DLGAP1: variants seen among roughly 807,000 people sequenced by gnomAD.
The protein encoded by DLGAP1 is disks large-associated protein 1.
A neutral mutation model predicts 90.8 loss-of-function variants in DLGAP1; 11 were observed. That is an observed-to-expected ratio of 0.12 (90% CI 0.08 to 0.20). The LOEUF (loss-of-function observed/expected upper bound fraction) is 0.20. Ranked by LOEUF, DLGAP1 falls within the 10% of genes least tolerant of loss-of-function variation. DLGAP1 has a pLI of 1.00. For missense variants in DLGAP1, 1,050 were observed against 1,333.8 expected (o/e 0.79, Z 3.31); for synonymous variants, 558 against 540.7 (o/e 1.03, Z -0.44).
At chr18:3,874,493 G>A (rs983410421) in intron 4 of DLGAP1, 18 of 1,439,756 alleles carry the variant, frequency 1.3e-5, no homozygotes, top group Non-Finnish European at 1.6e-5. Context: ...TACATAAAGA[G>A]GCATAAACAG....
At chr18:4,237,179 T>C (rs1256167012) in intron 1 of DLGAP1, among the ~76,000 whole-genome samples, 1 of 152,190 alleles carries the variant, frequency 6.6e-6, no homozygotes, top group Non-Finnish European at 1.5e-5. Context: ...TACCACGCTA[T>C]CTGAAGCTTC....
chr18:4,064,204 T>A (rs2075338974), intron 2 of DLGAP1, among the ~76,000 whole-genome samples: 1 of 152,030 alleles, frequency 6.6e-6, no homozygotes, highest in African/African-American at 2.4e-5. Flanking sequence ...AAGGACAGTA[T>A]CTCATATATC....
chr18:4,442,692 GA>G (rs5822822), intron 1 of DLGAP1, among the ~76,000 whole-genome samples: 44,105 of 151,924 alleles, frequency 0.29, 6,760 homozygotes, highest in Non-Finnish European at 0.32. Context: ...AATTTAAAAA[GA>G]AAAAAAAGTT....
chr18:3,525,102 AATCAAC>A (rs1024133540), intron 10 of DLGAP1, among the ~76,000 whole-genome samples: 5 of 148,866 alleles, frequency 3.4e-5, no homozygotes, highest in Admixed American at 6.6e-5. Context: ...AAAAAAAAAA[AATCAAC>A]AACATTATTT....
rs368936649 is a variant in DLGAP1 at position 3,757,959 on chromosome 18, CA to C, written c.1173-15448del. Among the ~76,000 whole-genome samples, 264 of 151,860 alleles carry C rather than the reference CA, an allele frequency of 1.7e-3. 1 individual carries two copies. The highest frequency in any genetic ancestry group is 5.9e-3 in the African/African-American group (244 of 41,432). The stretch of plus-strand genomic sequence containing the variant: ...TGAAACCTCGTCTCTACTAAAAATA[CA>C]AAAAAATTAGCCAGGTTTGGTGGTG... On this transcript the variant is annotated intron_variant, in intron 5 of 12. Transcript: ENST00000315677.
intron 2 of DLGAP1, among the ~76,000 whole-genome samples, chr18:4,009,517 A>T (rs1005345928): frequency 1.3e-5 from 2 of 152,138 alleles, no homozygotes; most frequent in African/African-American, 4.8e-5. Context: ...TAGATACTGG[A>T]GATAGAGAGG....
chr18:3,881,097 G>A (rs1004805032), intron 3 of DLGAP1, among the ~76,000 whole-genome samples: 19 of 150,962 alleles, frequency 1.3e-4, no homozygotes, highest in Non-Finnish European at 2.7e-4. Context: ...TGCTTCTTGG[G>A]TCTTATTCTT....
intron 3 of DLGAP1, among the ~76,000 whole-genome samples, chr18:3,934,298 A>G (rs146665109): frequency 1.3e-3 from 200 of 152,302 alleles, no homozygotes; most frequent in Non-Finnish European, 2.5e-3. Context: ...TACATGTTAG[A>G]CAAGCCAGGC....
intron 1 of DLGAP1, among the ~76,000 whole-genome samples, chr18:4,259,729 A>T (rs1394372788): frequency 6.6e-6 from 1 of 152,214 alleles, no homozygotes. Flanking sequence ...TTGATAGATA[A>T]TTTAAATTAT....
At chr18:4,205,654 AGCC>A (rs1385679866) in intron 1 of DLGAP1, among the ~76,000 whole-genome samples, 1 of 152,180 alleles carries the variant, frequency 6.6e-6, no homozygotes, top group Non-Finnish European at 1.5e-5. Context: ...CACCATGCCC[AGCC>A]TTAAATGTCA....
intron 4 of DLGAP1, among the ~76,000 whole-genome samples, chr18:3,855,975 A>G (rs62085205): frequency 1.5e-3 from 229 of 152,334 alleles, no homozygotes; most frequent in Non-Finnish European, 2.2e-3. Context: ...TGGATTCACA[A>G]TACAGAAGAA....
At chr18:4,067,415 G>A (rs1039855559) in intron 2 of DLGAP1, among the ~76,000 whole-genome samples, 8 of 151,982 alleles carry the variant, frequency 5.3e-5, no homozygotes, top group African/African-American at 1.9e-4. Flanking sequence ...AAGCCACAAT[G>A]GGAAGTGGGA....
At chr18:4,292,551 T>G (rs1284481055) in intron 1 of DLGAP1, among the ~76,000 whole-genome samples, 1 of 152,140 alleles carries the variant, frequency 6.6e-6, no homozygotes, top group African/African-American at 2.4e-5. Flanking sequence ...ACTTTACTAA[T>G]TTTTATTATT....
intron 1 of DLGAP1, among the ~76,000 whole-genome samples, chr18:4,288,881 G>A (rs1047499181): frequency 6.6e-6 from 1 of 152,098 alleles, no homozygotes; most frequent in African/African-American, 2.4e-5. Context: ...TTCTTTGGGG[G>A]AGATAAAATG....
At chr18:3,530,914 C>T (rs2051949170) in intron 10 of DLGAP1, among the ~76,000 whole-genome samples, 2 of 152,140 alleles carry the variant, frequency 1.3e-5, no homozygotes, top group African/African-American at 2.4e-5. Context: ...AAGCGATAAG[C>T]TAGTCAGTCA....
At chr18:3,951,717 C>G (rs1447186246) in intron 3 of DLGAP1, among the ~76,000 whole-genome samples, 2 of 152,172 alleles carry the variant, frequency 1.3e-5, no homozygotes, top group Non-Finnish European at 2.9e-5. Context: ...TTCCCCCATG[C>G]TGTTCTCCAT....
intron 2 of DLGAP1, among the ~76,000 whole-genome samples, chr18:4,087,909 G>A (rs2075710568): frequency 6.6e-6 from 1 of 152,020 alleles, no homozygotes; most frequent in African/African-American, 2.4e-5. Flanking sequence ...TGAGACCATT[G>A]ACATCTGTGT....
At chr18:3,987,097 T>C (rs750116519) in intron 3 of DLGAP1, among the ~76,000 whole-genome samples, 1 of 152,226 alleles carries the variant, frequency 6.6e-6, no homozygotes, top group Non-Finnish European at 1.5e-5. Context: ...CTGACTGTGC[T>C]AGCTTTGAGA....
At chr18:3,813,998 T>G in intron 5 of DLGAP1, 61 bp downstream of exon 5, 2 of 1,542,150 alleles carry the variant, frequency 1.3e-6, no homozygotes, top group Non-Finnish European at 1.8e-6. Context: ...ACACACCATC[T>G]GAGCCTCGGT....
Sources: gnomAD v4.1 joint callset for allele counts (sites outside exome capture counted in the v4.1 genomes callset) on GRCh38, gnomAD v4.1.1 for gene constraint, MANE v1.5 for transcripts, NCBI Gene and HGNC (gene_info 2026-07-23, HGNC 2026-07-21) for gene names.